The following GLIS3 variants were observed in gnomAD, a reference collection of about 807,000 sequenced individuals.
GLIS3 encodes GLIS family zinc finger 3.
In GLIS3, 53 loss-of-function variants were observed where a neutral mutation model predicts 78.6. That is an observed-to-expected ratio of 0.67 (90% CI 0.54 to 0.85). GLIS3 has a LOEUF of 0.85. GLIS3 is among the 40% of genes least tolerant of loss of function. The probability of loss-of-function intolerance (pLI) is 0.00; values close to 1 mark genes in which losing one functional copy is unlikely to be tolerated. For missense variants in GLIS3, 1,703 were observed against 1,231.1 expected (o/e 1.38, Z -5.74); for synonymous variants, 684 against 509.9 (o/e 1.34, Z -4.60).
At chr9:3,857,996 C>A (rs899432547) in intron 8 of GLIS3, among the ~76,000 whole-genome samples, 1 of 152,156 alleles carries the variant, frequency 6.6e-6, no homozygotes. Flanking sequence ...TCCCAAATCC[C>A]CTGGTCCTTA....
At chr9:4,011,891 C>T (rs1460685195) in intron 4 of GLIS3, among the ~76,000 whole-genome samples, 1 of 152,036 alleles carries the variant, frequency 6.6e-6, no homozygotes, top group Non-Finnish European at 1.5e-5. Context: ...CTCTTTCCAG[C>T]ACTGCTTTCA....
the GLIS3 span, among the ~76,000 whole-genome samples, chr9:4,419,046 A>G: frequency 6.6e-6 from 1 of 152,232 alleles, no homozygotes; most frequent in African/African-American, 2.4e-5. Flanking sequence ...AAGCAATTAG[A>G]TTAAAATCCA....
intron 6 of GLIS3, among the ~76,000 whole-genome samples, chr9:3,917,799 A>G (rs978159031): frequency 2.0e-5 from 3 of 152,238 alleles, no homozygotes; most frequent in African/African-American, 7.2e-5. Context: ...GAAAACGGAC[A>G]TAGTTGCTCC....
intron 2 of GLIS3, among the ~76,000 whole-genome samples, chr9:4,196,298 A>G (rs1022277464): frequency 6.6e-6 from 1 of 152,248 alleles, no homozygotes; most frequent in East Asian, 1.9e-4. Context: ...AAAATGGACC[A>G]ATCAGCTCTC....
intron 4 of GLIS3, among the ~76,000 whole-genome samples, chr9:4,059,413 G>T (rs1826433683): frequency 6.6e-6 from 1 of 152,190 alleles, no homozygotes; most frequent in Admixed American, 6.5e-5. Context: ...ACAGAAAACT[G>T]CCAGAGTGCC....
chr9:4,153,376 C>T (rs1268363523), intron 2 of GLIS3, among the ~76,000 whole-genome samples: 1 of 152,128 alleles, frequency 6.6e-6, no homozygotes, highest in African/African-American at 2.4e-5. Flanking sequence ...CCAGCCTGGT[C>T]AACATGTTGA....
Position 3,979,601 on chromosome 9 carries a change from T to C in GLIS3, c.1711-42412A>G, listed in dbSNP as rs149979222. On this transcript the variant is annotated intron_variant, in intron 4 of 10. Coordinates refer to ENST00000381971, the MANE Select transcript of GLIS3 (RefSeq NM_001042413.2). ...TCAGGAAGCCTTCTTGGACCTCTTATGTCTAGGTTAGGGCCTTTCCCTGTG... is the reference window on the plus strand; with the variant it reads ...TCAGGAAGCCTTCTTGGACCTCTTACGTCTAGGTTAGGGCCTTTCCCTGTG... Among the ~76,000 whole-genome samples the C allele has an allele frequency of 2.7e-3, 418 of 152,280 alleles. 3 individuals carry two copies. The highest frequency in any genetic ancestry group is 9.5e-3 in the African/African-American group (395 of 41,566).
chr9:4,104,836 G>A (rs1830634320), intron 4 of GLIS3, among the ~76,000 whole-genome samples: 1 of 152,184 alleles, frequency 6.6e-6, no homozygotes, highest in African/African-American at 2.4e-5. Context: ...AGAAGGATGG[G>A]AGTCAGGGGT....
At chr9:3,901,807 A>G (rs1823325396) in intron 6 of GLIS3, among the ~76,000 whole-genome samples, 2 of 152,226 alleles carry the variant, frequency 1.3e-5, no homozygotes, top group Non-Finnish European at 2.9e-5. Context: ...TAACTCTTTC[A>G]GGACCTTTGG....
rs10974363 is a variant in GLIS3 at position 4,175,745 on chromosome 9, T to C, written c.389-49804A>G. Among the ~76,000 whole-genome samples, 658 of 152,300 alleles carry C rather than the reference T, an allele frequency of 4.3e-3. 6 individuals carry two copies. The highest frequency in any genetic ancestry group is 0.015 in the African/African-American group (619 of 41,554). On this transcript the variant is annotated intron_variant, in intron 2 of 10. Coordinates refer to ENST00000381971, the MANE Select transcript of GLIS3 (RefSeq NM_001042413.2). ...ACGCTGGGAGAAGGCCCAGAGGAAG[T>C]GAAGCAATGTAACAAACAGGGATTG...
chr9:4,378,170 G>A, the GLIS3 span, among the ~76,000 whole-genome samples: 5 of 152,150 alleles, frequency 3.3e-5, no homozygotes, highest in African/African-American at 9.6e-5. Flanking sequence ...AATTATGAAA[G>A]TAATTTTAAT....
At chr9:4,054,410 T>C in intron 4 of GLIS3, 1 of 985,398 alleles carries the variant, frequency 1.0e-6, no homozygotes, top group Non-Finnish European at 1.2e-6. Context: ...CATCTGAATT[T>C]AACGGTTGGT....
At chr9:3,928,186 G>C (rs940815058) in intron 6 of GLIS3, among the ~76,000 whole-genome samples, 10 of 152,232 alleles carry the variant, frequency 6.6e-5, no homozygotes, top group Middle Eastern at 3.2e-3. Flanking sequence ...TAAAATGTGA[G>C]AGGAAGAGGT....
chr9:3,934,569 C>A (rs972080763), intron 5 of GLIS3, among the ~76,000 whole-genome samples: 17 of 152,120 alleles, frequency 1.1e-4, no homozygotes, highest in Non-Finnish European at 2.1e-4. Flanking sequence ...GCCACCACAC[C>A]CAGCTGATTT....
the GLIS3 span, among the ~76,000 whole-genome samples, chr9:4,452,200 A>G: frequency 6.6e-6 from 1 of 152,206 alleles, no homozygotes; most frequent in African/African-American, 2.4e-5. Context: ...TTTATGACAA[A>G]TCCACAGCCA....
intron 6 of GLIS3, among the ~76,000 whole-genome samples, chr9:3,913,904 G>A (rs1824315136): frequency 6.6e-6 from 1 of 152,186 alleles, no homozygotes; most frequent in Admixed American, 6.5e-5. Flanking sequence ...TAGGGAATGT[G>A]TGAACAAGTA....
chr9:3,913,366 C>A (rs536372241), intron 6 of GLIS3, among the ~76,000 whole-genome samples: 1 of 152,178 alleles, frequency 6.6e-6, no homozygotes, highest in African/African-American at 2.4e-5. Context: ...TTTTTCTCCT[C>A]GTTCAAAGCC....
the GLIS3 span, among the ~76,000 whole-genome samples, chr9:4,399,736 T>C: frequency 6.6e-6 from 1 of 152,158 alleles, no homozygotes; most frequent in Non-Finnish European, 1.5e-5. Context: ...TAGACTACAA[T>C]GTGATACATG....
the GLIS3 span, among the ~76,000 whole-genome samples, chr9:4,426,026 C>A: frequency 1.3e-5 from 2 of 152,080 alleles, no homozygotes; most frequent in Non-Finnish European, 2.9e-5. Flanking sequence ...CAATCTTCCT[C>A]GACAAAAAAC....
Sources: allele counts gnomAD v4.1 joint callset (sites outside exome capture counted in the v4.1 genomes callset), GRCh38; gene constraint gnomAD v4.1.1; transcripts MANE v1.5; gene names NCBI Gene and HGNC (gene_info 2026-07-23, HGNC 2026-07-21).